Variants in FOXJ3 observed in about 807,000 individuals in gnomAD.
FOXJ3 encodes the protein forkhead box J3, also known as forkhead box protein J3.
In FOXJ3, 22 loss-of-function variants were observed where a neutral mutation model predicts 76.1. That is an observed-to-expected ratio of 0.29 (90% CI 0.21 to 0.41). FOXJ3 has a LOEUF of 0.41. Ranked by LOEUF, FOXJ3 falls within the 10% of genes least tolerant of loss-of-function variation. The pLI is 1.00. For synonymous variants in FOXJ3, 269 were observed against 261.2 expected, an observed-to-expected ratio of 1.03 and a Z score of -0.29; for missense variants, 613 against 762.1, an observed-to-expected ratio of 0.80 and a Z score of 2.30.
intron 11 of FOXJ3, among the ~76,000 whole-genome samples, chr1:42,184,837 G>T (rs1646402691): frequency 1.3e-5 from 2 of 152,056 alleles, no homozygotes; most frequent in Non-Finnish European, 2.9e-5. Flanking sequence ...CTAACTGAGG[G>T]AAGACCACTC....
chr1:42,230,202 G>C (rs2124468378), intron 4 of FOXJ3, among the ~76,000 whole-genome samples: 1 of 152,242 alleles, frequency 6.6e-6, no homozygotes, highest in African/African-American at 2.4e-5. Flanking sequence ...CCACCAAACA[G>C]TTCAGGCTAA....
chr1:42,239,109 T>C (rs917489675), intron 4 of FOXJ3, among the ~76,000 whole-genome samples: 3 of 152,210 alleles, frequency 2.0e-5, no homozygotes, highest in East Asian at 1.9e-4. Flanking sequence ...AAAAAATATA[T>C]ATTGATCTTG....
At chr1:42,225,315 C>T (rs1647465076) in intron 5 of FOXJ3, among the ~76,000 whole-genome samples, 1 of 152,116 alleles carries the variant, frequency 6.6e-6, no homozygotes, top group Admixed American at 6.5e-5. Flanking sequence ...TCAGGACCAT[C>T]ACTATTTGCC....
At chr1:42,291,777 T>C (rs1452840220) in intron 2 of FOXJ3, among the ~76,000 whole-genome samples, 1 of 152,134 alleles carries the variant, frequency 6.6e-6, no homozygotes, top group Admixed American at 6.5e-5. Flanking sequence ...AAGATCCACC[T>C]CACTGTGGGT....
chr1:42,289,245 T>C (rs1653263877), intron 2 of FOXJ3, among the ~76,000 whole-genome samples: 2 of 151,684 alleles, frequency 1.3e-5, no homozygotes, highest in African/African-American at 2.4e-5. Flanking sequence ...GTATGTGTGT[T>C]TCTTATATAT....
intron 1 of FOXJ3, chr1:42,334,060 T>C: frequency 1.3e-5 from 7 of 546,482 alleles, no homozygotes; most frequent in African/African-American, 2.1e-5. Flanking sequence ...AGACGTGGAA[T>C]GCACCAACAC....
chr1:42,222,057 G>GAAGAAGAAGAAGAAGA (rs1647223013), intron 5 of FOXJ3, among the ~76,000 whole-genome samples: 2 of 113,516 alleles, frequency 1.8e-5, no homozygotes, highest in African/African-American at 7.2e-5. Context: ...AGAAGAAGAA[G>GAAGAAGAAGAAGAAGA]AAGAAGAAGA....
intron 1 of FOXJ3, among the ~76,000 whole-genome samples, chr1:42,321,720 C>T (rs1481268301): frequency 2.6e-5 from 4 of 151,946 alleles, no homozygotes; most frequent in East Asian, 3.9e-4. Flanking sequence ...AAGATTTTTG[C>T]GCCACTTTGG....
chr1:42,268,156 T>C (rs1303497180), intron 3 of FOXJ3, among the ~76,000 whole-genome samples: 1 of 151,888 alleles, frequency 6.6e-6, no homozygotes. Flanking sequence ...CACATCCCCA[T>C]ATTAATTACA....
chr1:42,216,813 T>A (rs1647079003), intron 5 of FOXJ3, among the ~76,000 whole-genome samples: 1 of 151,936 alleles, frequency 6.6e-6, no homozygotes, highest in Non-Finnish European at 1.5e-5. Context: ...TAAATAAAAA[T>A]GAGATACTAA....
chr1:42,303,025 CCA>C (rs1169954593), intron 2 of FOXJ3, among the ~76,000 whole-genome samples: 3 of 151,670 alleles, frequency 2.0e-5, no homozygotes, highest in African/African-American at 7.3e-5. Context: ...TTACCTTTTT[CCA>C]CAGTCTCCTA....
intron 4 of FOXJ3, among the ~76,000 whole-genome samples, chr1:42,251,900 G>A (rs1650110530): frequency 6.6e-6 from 1 of 151,580 alleles, no homozygotes; most frequent in Non-Finnish European, 1.5e-5. Flanking sequence ...TGTATTTTTA[G>A]TAGAGACGGG....
intron 2 of FOXJ3, among the ~76,000 whole-genome samples, chr1:42,308,759 TATAAC>T (rs1654619265): frequency 1.3e-5 from 2 of 152,152 alleles, no homozygotes; most frequent in South Asian, 4.1e-4. Flanking sequence ...ATGAGTAAAT[TATAAC>T]ATAACTTACG....
chr1:42,300,194 T>C (rs1219548790), intron 2 of FOXJ3, among the ~76,000 whole-genome samples: 2 of 152,150 alleles, frequency 1.3e-5, no homozygotes, highest in South Asian at 2.1e-4. Flanking sequence ...AGCAAGACTC[T>C]GTCTCAAAAA....
At chr1:42,285,757 C>A (rs1335923635) in intron 2 of FOXJ3, among the ~76,000 whole-genome samples, 1 of 152,158 alleles carries the variant, frequency 6.6e-6, no homozygotes, top group Non-Finnish European at 1.5e-5. Flanking sequence ...GGAGTCTCTG[C>A]CACTCCTATC....
intron 1 of FOXJ3, chr1:42,315,536 T>C: frequency 3.3e-6 from 1 of 301,310 alleles, no homozygotes; most frequent in African/African-American, 2.3e-5. Flanking sequence ...ATCTTTCCAA[T>C]CTGCTCTAGC....
chr1:42,255,207 G>A (rs1342471887), intron 4 of FOXJ3, among the ~76,000 whole-genome samples: 1 of 152,150 alleles, frequency 6.6e-6, no homozygotes, highest in Non-Finnish European at 1.5e-5. Context: ...AAATTATACT[G>A]TTGTAACGTT....
chr1:42,265,691 C>G (rs1237713479), intron 3 of FOXJ3, among the ~76,000 whole-genome samples: 1 of 152,102 alleles, frequency 6.6e-6, no homozygotes, highest in African/African-American at 2.4e-5. Flanking sequence ...TGTATTACCA[C>G]TTATTAATTA....
chr1:42,314,051 C>A (rs1411197101), intron 1 of FOXJ3, among the ~76,000 whole-genome samples: 5 of 152,174 alleles, frequency 3.3e-5, no homozygotes, highest in Non-Finnish European at 5.9e-5. Context: ...ACAGCCTTTT[C>A]ATCTAAGAAT....
Sources: gnomAD v4.1 joint callset for allele counts (sites outside exome capture counted in the v4.1 genomes callset) on GRCh38, gnomAD v4.1.1 for gene constraint, MANE v1.5 for transcripts, NCBI Gene and HGNC (gene_info 2026-07-23, HGNC 2026-07-21) for gene names.